The following ADAMTS3 variants were observed in gnomAD, a reference collection of about 807,000 sequenced individuals.
The protein encoded by ADAMTS3 is ADAM metallopeptidase with thrombospondin type 1 motif 3.
In ADAMTS3, 73 loss-of-function variants were observed where a neutral mutation model predicts 129.0. The observed-to-expected ratio is 0.57, with a 90% CI of 0.47 to 0.69. ADAMTS3 has a LOEUF of 0.69. ADAMTS3 is among the 30% of genes least tolerant of loss of function. ADAMTS3 has a pLI of 0.00. For missense variants in ADAMTS3, 1,457 were observed against 1,514.5 expected, an observed-to-expected ratio of 0.96 and a Z score of 0.63; for synonymous variants, 477 against 510.8, an observed-to-expected ratio of 0.93 and a Z score of 0.89.
intron 1 of ADAMTS3, among the ~76,000 whole-genome samples, chr4:72,567,677 T>C (rs1034465819): frequency 3.3e-5 from 5 of 152,210 alleles, no homozygotes; most frequent in East Asian, 3.9e-4. Context: ...TGCTCTCTTC[T>C]GAAATGTCGT....
chr4:72,356,869 G>T (rs1021087562), intron 4 of ADAMTS3, among the ~76,000 whole-genome samples: 2 of 151,610 alleles, frequency 1.3e-5, no homozygotes, highest in African/African-American at 4.8e-5. Context: ...GAGATACTGA[G>T]CTGGAAAAAA....
At chr4:72,422,851 T>A (rs1357125826) in intron 3 of ADAMTS3, among the ~76,000 whole-genome samples, 1 of 152,182 alleles carries the variant, frequency 6.6e-6, no homozygotes, top group South Asian at 2.1e-4. Context: ...ATAATGTCTA[T>A]GAATGCCCTT....
chr4:72,364,629 C>T (rs1454283826), intron 4 of ADAMTS3, among the ~76,000 whole-genome samples: 1 of 150,390 alleles, frequency 6.6e-6, no homozygotes, highest in Non-Finnish European at 1.5e-5. Flanking sequence ...AAAAAAAAAT[C>T]AATAAATGTT....
At chr4:72,383,709 A>G (rs1183421415) in intron 4 of ADAMTS3, among the ~76,000 whole-genome samples, 1 of 152,170 alleles carries the variant, frequency 6.6e-6, no homozygotes, top group Non-Finnish European at 1.5e-5. Context: ...CAAAACAAAA[A>G]GCACACTATC....
intron 18 of ADAMTS3, among the ~76,000 whole-genome samples, chr4:72,297,661 G>GT (rs2109780377): frequency 6.6e-6 from 1 of 152,230 alleles, no homozygotes; most frequent in East Asian, 1.9e-4. Context: ...AGTGCAGTGA[G>GT]TGAGAGCATG....
intron 3 of ADAMTS3, among the ~76,000 whole-genome samples, chr4:72,481,923 C>T (rs1719447269): frequency 6.6e-6 from 1 of 151,912 alleles, no homozygotes; most frequent in South Asian, 2.1e-4. Flanking sequence ...AGATAATTAA[C>T]CATTATGAAA....
At chr4:72,322,067 T>G (rs1230394120) in intron 6 of ADAMTS3, among the ~76,000 whole-genome samples, 1 of 152,202 alleles carries the variant, frequency 6.6e-6, no homozygotes, top group Non-Finnish European at 1.5e-5. Context: ...GTTTACATTC[T>G]TAATAAAATC....
intron 3 of ADAMTS3, among the ~76,000 whole-genome samples, chr4:72,475,125 C>A (rs1305091618): frequency 2.7e-5 from 4 of 149,766 alleles, no homozygotes; most frequent in African/African-American, 9.8e-5. Context: ...GAGAAAAAAA[C>A]AGAAAACAAA....
chr4:72,338,884 C>T (rs1369407466), intron 5 of ADAMTS3, among the ~76,000 whole-genome samples: 1 of 152,090 alleles, frequency 6.6e-6, no homozygotes, highest in Non-Finnish European at 1.5e-5. Flanking sequence ...AAAATTTCTT[C>T]TGAATCTGAT....
chr4:72,419,593 C>A (rs978673875), intron 3 of ADAMTS3, among the ~76,000 whole-genome samples: 8 of 152,172 alleles, frequency 5.3e-5, no homozygotes, highest in Non-Finnish European at 1.0e-4. Context: ...CGTAAACTTT[C>A]TTAAAACGTT....
At chr4:72,484,408 C>A (rs1445821278) in intron 3 of ADAMTS3, among the ~76,000 whole-genome samples, 2 of 152,160 alleles carry the variant, frequency 1.3e-5, no homozygotes, top group African/African-American at 4.8e-5. Flanking sequence ...CTATGTCTTA[C>A]TCAAATATTC....
chr4:72,397,562 TACACACAC>T (rs35076637), intron 4 of ADAMTS3, among the ~76,000 whole-genome samples: 3 of 147,476 alleles, frequency 2.0e-5, no homozygotes, highest in African/African-American at 7.5e-5. Flanking sequence ...GAGACTCTAT[TACACACAC>T]ACACACACAC....
intron 3 of ADAMTS3, among the ~76,000 whole-genome samples, chr4:72,536,142 G>T (rs1578774466): frequency 1.3e-5 from 2 of 152,164 alleles, no homozygotes; most frequent in South Asian, 4.2e-4. Context: ...GTCTATCATG[G>T]TTATTATATT....
rs1721105561 is a variant in ADAMTS3 at position 72,375,135 on chromosome 4, TC to T, written c.662-35443del. 3.3e-5 allele frequency among the ~76,000 whole-genome samples: 5 copies of T among 152,302 alleles called. No individual in the cohort carries two copies. In the South Asian group the frequency reaches 1.0e-3, roughly 32 times the overall value. ...CCTCCATTCCATTTCTAGCATTATC[TC>T]ACCCTTCAGGCTTTATGCGAGGCAC... On this transcript the variant is annotated intron_variant, in intron 4 of 21. Coordinates refer to ENST00000286657, the MANE Select transcript of ADAMTS3 (RefSeq NM_014243.3).
chr4:72,483,580 G>T (rs1000328161), intron 3 of ADAMTS3, among the ~76,000 whole-genome samples: 1 of 152,140 alleles, frequency 6.6e-6, no homozygotes, highest in Non-Finnish European at 1.5e-5. Flanking sequence ...GTTTGCCCCA[G>T]TCTCAAGTGT....
intron 3 of ADAMTS3, among the ~76,000 whole-genome samples, chr4:72,515,227 C>G (rs1041792679): frequency 7.2e-5 from 11 of 151,990 alleles, no homozygotes; most frequent in East Asian, 1.9e-4. Flanking sequence ...TCTTAATCCA[C>G]TCTATCATTG....
intron 4 of ADAMTS3, among the ~76,000 whole-genome samples, chr4:72,367,616 C>T (rs952546399): frequency 9.2e-5 from 14 of 152,012 alleles, no homozygotes; most frequent in Middle Eastern, 3.4e-3. Flanking sequence ...TTTGGGAGGC[C>T]GAGGCAGGCG....
intron 3 of ADAMTS3, among the ~76,000 whole-genome samples, chr4:72,539,364 A>G (rs567747005): frequency 6.6e-6 from 1 of 152,140 alleles, no homozygotes; most frequent in African/African-American, 2.4e-5. Context: ...CATTTCTCCA[A>G]AGAAAATATA....
intron 4 of ADAMTS3, among the ~76,000 whole-genome samples, chr4:72,384,701 C>G (rs944734423): frequency 3.9e-5 from 6 of 152,068 alleles, no homozygotes; most frequent in African/African-American, 1.4e-4. Context: ...AAAATGATAC[C>G]AGATAAAATC....
Sources: allele counts gnomAD v4.1 joint callset (sites outside exome capture counted in the v4.1 genomes callset), GRCh38; gene constraint gnomAD v4.1.1; transcripts MANE v1.5; gene names NCBI Gene and HGNC (gene_info 2026-07-23, HGNC 2026-07-21).